GPHN: variants seen among roughly 807,000 people sequenced by gnomAD.
GPHN encodes the protein gephyrin.
A neutral mutation model predicts 95.5 loss-of-function variants in GPHN; 17 were observed. The ratio of observed to expected loss-of-function variants is 0.18; its 90% confidence interval spans 0.12 to 0.27. The LOEUF (loss-of-function observed/expected upper bound fraction) is 0.27, where lower values mean the gene tolerates loss of function less well. GPHN is among the 10% of genes least tolerant of loss of function. The pLI is 1.00. For synonymous variants in GPHN, 320 were observed against 322.5 expected, an observed-to-expected ratio of 0.99 and a Z score of 0.08; for missense variants, 660 against 978.1, an observed-to-expected ratio of 0.67 and a Z score of 4.34.
intron 9 of GPHN, among the ~76,000 whole-genome samples, chr14:66,966,828 A>T (rs1185469473): frequency 6.6e-6 from 1 of 151,986 alleles, no homozygotes; most frequent in Non-Finnish European, 1.5e-5. Flanking sequence ...TTTTATGCTA[A>T]ATTTAATTAT....
At chr14:67,010,737 A>G (rs1252970283) in intron 9 of GPHN, among the ~76,000 whole-genome samples, 1 of 152,046 alleles carries the variant, frequency 6.6e-6, no homozygotes, top group Non-Finnish European at 1.5e-5. Flanking sequence ...GTTTGATACA[A>G]TTATATTGCC....
chr14:67,582,448 T>G, the GPHN span, among the ~76,000 whole-genome samples: 15 of 152,176 alleles, frequency 9.9e-5, no homozygotes, highest in Non-Finnish European at 2.1e-4. This position sits in a 1 kb window ranked among gnomAD's most constrained non-coding sequence, Gnocchi z 5.0. Context: ...TTGAGTCCTA[T>G]ATACCTTCCA....
intron 1 of GPHN, among the ~76,000 whole-genome samples, chr14:66,563,847 A>G (rs568147757): frequency 7.2e-5 from 11 of 152,056 alleles, no homozygotes; most frequent in African/African-American, 1.7e-4. Context: ...CTCTTAAGTG[A>G]TGGTAATTTC....
At chr14:67,634,587 G>A in the GPHN span, among the ~76,000 whole-genome samples, 3 of 139,284 alleles carry the variant, frequency 2.2e-5, no homozygotes, top group South Asian at 2.3e-4. Flanking sequence ...GAACCAGACC[G>A]TGTCTCCAAA....
the GPHN span, among the ~76,000 whole-genome samples, chr14:67,605,231 CTAAT>C: frequency 6.6e-6 from 1 of 152,194 alleles, no homozygotes; most frequent in African/African-American, 2.4e-5. Flanking sequence ...GAAGTCTTCT[CTAAT>C]TTCTCTCAGC....
intron 13 of GPHN, among the ~76,000 whole-genome samples, chr14:67,102,880 C>G (rs570578058): frequency 2.5e-4 from 38 of 152,216 alleles, no homozygotes; most frequent in South Asian, 8.3e-4. Context: ...TGAGGAGATT[C>G]GCATGCAACT....
At chr14:67,099,975 A>C (rs917376568) in intron 12 of GPHN, among the ~76,000 whole-genome samples, 4 of 152,170 alleles carry the variant, frequency 2.6e-5, no homozygotes, top group Non-Finnish European at 5.9e-5. Flanking sequence ...TCTGAAAGCC[A>C]CATCATATGT....
the GPHN span, among the ~76,000 whole-genome samples, chr14:67,368,937 TAAAAG>T: frequency 6.6e-6 from 1 of 151,942 alleles, no homozygotes; most frequent in South Asian, 2.1e-4. Context: ...AACATTAACC[TAAAAG>T]AAAACTCAAA....
At chr14:67,408,303 A>AT in the GPHN span, among the ~76,000 whole-genome samples, 1 of 76,406 alleles carries the variant, frequency 1.3e-5, no homozygotes, top group Non-Finnish European at 3.3e-5. Flanking sequence ...AATAAATAAA[A>AT]TAAAATAAAA....
intron 17 of GPHN, among the ~76,000 whole-genome samples, chr14:67,134,702 G>A (rs972204078): frequency 2.0e-5 from 3 of 151,910 alleles, no homozygotes; most frequent in African/African-American, 7.3e-5. Context: ...ATCACAATTT[G>A]TTGTGTCTCT....
the GPHN span, among the ~76,000 whole-genome samples, chr14:67,534,496 T>C: frequency 6.6e-6 from 1 of 152,066 alleles, no homozygotes; most frequent in Non-Finnish European, 1.5e-5. Flanking sequence ...CTGATGATCC[T>C]GTCTGTTAAA....
At chr14:67,726,161 T>C in the GPHN span, 1 of 1,560,000 alleles carries the variant, frequency 6.4e-7, no homozygotes, top group Admixed American at 1.7e-5. Flanking sequence ...CCTGGGTAAG[T>C]ATCTTTGGGT....
At chr14:67,642,788 A>ACTTTTT in the GPHN span, among the ~76,000 whole-genome samples, 1 of 33,734 alleles carries the variant, frequency 3.0e-5, no homozygotes, top group Non-Finnish European at 6.7e-5. Context: ...ATGTTACTAC[A>ACTTTTT]TTTTCTTTTT....
the GPHN span, among the ~76,000 whole-genome samples, chr14:67,460,535 C>A: frequency 6.6e-6 from 1 of 152,152 alleles, no homozygotes; most frequent in African/African-American, 2.4e-5. Flanking sequence ...AAACCCCCGT[C>A]TCTACTAAAA....
At chr14:67,543,703 A>T in the GPHN span, among the ~76,000 whole-genome samples, 1 of 152,014 alleles carries the variant, frequency 6.6e-6, no homozygotes, top group African/African-American at 2.4e-5. Flanking sequence ...ATAAGTAGGG[A>T]TTGACTCAGC....
chr14:67,385,281 GAAGT>G, the GPHN span: 2 of 152,268 alleles, frequency 1.3e-5, no homozygotes, highest in South Asian at 2.1e-4. Flanking sequence ...GCTTGGCAAA[GAAGT>G]AAGTTTATCC....
At chr14:67,671,698 G>A in the GPHN span, among the ~76,000 whole-genome samples, 1 of 152,190 alleles carries the variant, frequency 6.6e-6, no homozygotes, top group Non-Finnish European at 1.5e-5. Flanking sequence ...GAAAATAAAT[G>A]TATTTCTCAG....
the GPHN span, among the ~76,000 whole-genome samples, chr14:67,422,985 C>A: frequency 6.6e-6 from 1 of 152,076 alleles, no homozygotes; most frequent in Admixed American, 6.5e-5. Flanking sequence ...GCATGCGCCA[C>A]CATGCCCGGC....
chr14:67,565,564 C>T, the GPHN span, among the ~76,000 whole-genome samples: 2 of 152,170 alleles, frequency 1.3e-5, no homozygotes, highest in South Asian at 4.1e-4. Flanking sequence ...GCTTTGAAGC[C>T]CAGCTCTCAC....
Sources: gnomAD v4.1 joint callset for allele counts (sites outside exome capture counted in the v4.1 genomes callset) on GRCh38, gnomAD v4.1.1 for gene constraint, Gnocchi (gnomAD v3.1) non-coding constraint, MANE v1.5 for transcripts, NCBI Gene and HGNC (gene_info 2026-07-23, HGNC 2026-07-21) for gene names.